The following TBC1D9 variants were observed in gnomAD, a reference collection of about 807,000 sequenced individuals.
TBC1D9 encodes the protein TBC1 domain family member 9, also known as TBC1 domain family member 9A.
TBC1D9 carries 63 observed loss-of-function variants against 132.0 expected under a neutral mutation model. That is an observed-to-expected ratio of 0.48 (90% CI 0.39 to 0.59). TBC1D9 has a LOEUF of 0.59. TBC1D9 is among the 20% of genes least tolerant of loss of function. TBC1D9 has a pLI of 0.00. For synonymous variants in TBC1D9, 610 were observed against 609.9 expected (o/e 1.00, Z 0.00); for missense variants, 1,261 against 1,592.7 (o/e 0.79, Z 3.54).
chr4:140,703,099 T>C (rs1346913759), intron 1 of TBC1D9, among the ~76,000 whole-genome samples: 1 of 152,198 alleles, frequency 6.6e-6, no homozygotes, highest in East Asian at 1.9e-4. Flanking sequence ...TTTACCTTTA[T>C]TTAGATTGCA....
rs769548584 is a variant in TBC1D9, at chr4:140,639,358, G to T, written c.2408C>A (p.Thr803Lys). Residue 803 changes from threonine to lysine, a missense_variant, in exon 14 of 21, where the codon ACG (threonine) becomes AAG (lysine). By Grantham distance (78) the Thr-to-Lys change is moderately conservative (BLOSUM62 -1). This residue lies in a region of TBC1D9 where 618 missense variants were observed against 724.4 expected (regional missense o/e 0.85). Transcript: ENST00000442267. ...RFKQRLKVIQ[T>K]LEDTTKRNVV... ...GTTGCGTTTCGTAGTATCCTCCAGCGTCTGGATCACTTTCAGTCTCTGTTT... is the reference window on the plus strand; with the variant it reads ...GTTGCGTTTCGTAGTATCCTCCAGCTTCTGGATCACTTTCAGTCTCTGTTT... 2 of 1,612,852 alleles carry T rather than the reference G, an allele frequency of 1.2e-6. No individual in the cohort carries two copies. The highest frequency in any genetic ancestry group is 3.3e-5 in the Admixed American group (2 of 59,916).
At chr4:140,701,356 G>C in intron 2 of TBC1D9, 148 bp downstream of exon 2, 1 of 632,060 alleles carries the variant, frequency 1.6e-6, no homozygotes, top group Admixed American at 2.8e-5. Flanking sequence ...CTGAGACTTT[G>C]GGTTCATGTG....
At chr4:140,644,660 G>C in intron 13 of TBC1D9, 1 of 419,480 alleles carries the variant, frequency 2.4e-6, no homozygotes, top group Non-Finnish European at 4.6e-6. Flanking sequence ...TCCAGGGCCT[G>C]GGCCGCCCGC....
intron 15 of TBC1D9, among the ~76,000 whole-genome samples, chr4:140,638,026 C>G (rs1436095767): frequency 6.6e-6 from 1 of 152,194 alleles, no homozygotes; most frequent in African/African-American, 2.4e-5. Context: ...ATAAATAAAA[C>G]AGTGGTGCCC....
chr4:140,679,001 T>G lies in TBC1D9; in HGVS notation c.792A>C (p.Gln264His). The G allele has an allele frequency of 1.9e-6, 3 of 1,613,986 alleles. No homozygotes were observed. Among genetic ancestry groups the G allele is most frequent in the African/African-American group, 1.3e-5 (1 of 75,054 alleles). The change falls in exon 5 of 21, where the codon CAA becomes CAC. Residue 264 changes from glutamine (Q) to histidine (H), a missense_variant. Around this residue, in one of 3 missense-constraint regions of TBC1D9, gnomAD observed 550 missense variants for 699.0 expected, o/e 0.79. Transcript: ENST00000442267. ...TTTTGAGTTTGGGCAGGGATCGATC[T>G]TGTTCAAATCCCTCATTGTCTAAGA... ...RQLLDNEGFEQDRSLPKLKRK... is the reference protein window; with the variant it reads ...RQLLDNEGFEHDRSLPKLKRK...
chr4:140,714,874 C>A (rs1738305555), intron 1 of TBC1D9, among the ~76,000 whole-genome samples: 1 of 152,130 alleles, frequency 6.6e-6, no homozygotes, highest in Non-Finnish European at 1.5e-5. Flanking sequence ...TGCCTGTAAT[C>A]CCAGAATTTT....
Position 140,668,909 on chromosome 4 carries a change from G to GGCC in TBC1D9, c.1588+5_1588+7dup. 1 of 1,613,314 alleles carries GGCC rather than the reference G, an allele frequency of 6.2e-7. No individual in the cohort carries two copies. The highest frequency in any genetic ancestry group is 8.5e-7 in the Non-Finnish European group (1 of 1,179,744). On this transcript the variant is annotated splice_region_variant and intron_variant, in intron 9 of 20. Coordinates refer to ENST00000442267, the MANE Select transcript of TBC1D9 (RefSeq NM_015130.3). The stretch of plus-strand genomic sequence containing the variant: ...TTGACGCCAGCATTCCCAGCCCAGC[G>GGCC]GCCGTACCTGACAGCAGCAGCCAGA...
rs558262376 is a variant in TBC1D9, at chr4:140,736,163, G to GGGAGAGAGTGAGGGGGAA, written c.130+19735_130+19752dup. On this transcript the variant is annotated intron_variant, in intron 1 of 20. Coordinates refer to ENST00000442267, the MANE Select transcript of TBC1D9 (RefSeq NM_015130.3). Reference sequence around the variant, plus strand: ...CAGGAAGGAAAATTGGGTTTTATTAGGGAGAGAGTGAGGGGGAAGGAGAGA... The same window carrying GGGAGAGAGTGAGGGGGAA: ...CAGGAAGGAAAATTGGGTTTTATTAGGGAGAGAGTGAGGGGGAAGGAGAGAGTGAGGGGGAAGGAGAGA... 2.1e-3 allele frequency among the ~76,000 whole-genome samples: 317 copies of GGGAGAGAGTGAGGGGGAA among 151,950 alleles called. 2 individuals are homozygous for GGGAGAGAGTGAGGGGGAA. The highest frequency in any genetic ancestry group is 0.015 in the East Asian group (76 of 5,142).
At chr4:140,640,700 A>G (rs1169190446) in intron 13 of TBC1D9, among the ~76,000 whole-genome samples, 2 of 152,206 alleles carry the variant, frequency 1.3e-5, no homozygotes, top group African/African-American at 2.4e-5. Flanking sequence ...TTTAAAGGAT[A>G]AAGAAAAAGC....
intron 1 of TBC1D9, among the ~76,000 whole-genome samples, chr4:140,752,343 C>G (rs1738939002): frequency 6.8e-6 from 1 of 147,496 alleles, no homozygotes. Context: ...CTCTATAATT[C>G]CATTTCATTT....
rs900887898 is a variant in TBC1D9 at position 140,642,819 on chromosome 4, T to C, written c.2338-3391A>G. The stretch of plus-strand genomic sequence containing the variant: ...CTACTGTTGCAGTTCTTCCCCCTCT[T>C]GCGGGCGGGCGACAGGGCTCTCGGG... On this transcript the variant is annotated intron_variant, in intron 13 of 20. Coordinates refer to ENST00000442267, the MANE Select transcript of TBC1D9 (RefSeq NM_015130.3). 147 of 605,564 alleles carry C rather than the reference T, an allele frequency of 2.4e-4. 1 individual carries two copies. The East Asian group carries it at 4.0e-3, about 16-fold the overall frequency. The allele number at this position is 605,564 out of a possible 1,614,324, so 37.5% of individuals were successfully genotyped here.
At chr4:140,716,558 C>A (rs1738337379) in intron 1 of TBC1D9, among the ~76,000 whole-genome samples, 1 of 151,882 alleles carries the variant, frequency 6.6e-6, no homozygotes, top group Non-Finnish European at 1.5e-5. Context: ...AAGTAGTGTA[C>A]TAGAGTTGGG....
chr4:140,644,060 G>C, intron 13 of TBC1D9: 1 of 436,812 alleles, frequency 2.3e-6, no homozygotes, highest in South Asian at 2.1e-5. Context: ...AGAGTGTCAG[G>C]CGCTTGGTCC....
intron 9 of TBC1D9, among the ~76,000 whole-genome samples, chr4:140,665,764 C>A (rs570356228): frequency 6.6e-6 from 1 of 152,284 alleles, no homozygotes; most frequent in South Asian, 2.1e-4. Flanking sequence ...GCAGCCTCAA[C>A]CTCCCAGACT....
At chr4:140,627,554 C>T (rs748158990) in intron 17 of TBC1D9, 27 bp from the exon 18 acceptor site, 3 of 1,403,074 alleles carry the variant, frequency 2.1e-6, no homozygotes, top group Non-Finnish European at 3.0e-6. Flanking sequence ...ACATAGTTCT[C>T]ATATTGGTAG....
chr4:140,644,447 T>G (rs1203675049), intron 13 of TBC1D9: 23 of 295,654 alleles, frequency 7.8e-5, no homozygotes, highest in South Asian at 6.3e-4. Context: ...CGCGGGGCGA[T>G]GGCGGCGGGC....
intron 2 of TBC1D9, among the ~76,000 whole-genome samples, chr4:140,688,611 G>A (rs1737825747): frequency 6.6e-6 from 1 of 152,154 alleles, no homozygotes. Context: ...TGAGGCCGCA[G>A]TGAGCCATGA....
intron 1 of TBC1D9, among the ~76,000 whole-genome samples, chr4:140,722,865 C>T (rs983400178): frequency 1.3e-5 from 2 of 152,098 alleles, no homozygotes; most frequent in African/African-American, 4.8e-5. Flanking sequence ...TGGATTTCAC[C>T]GGGAGTTCTC....
At position 140,624,179 on chromosome 4, in the gene TBC1D9, T is replaced by A; in HGVS notation, c.3015A>T (p.Arg1005Ser). Residue 1005 changes from arginine (R) to serine (S), a missense_variant, in exon 20 of 21, where the codon AGA becomes AGT. By Grantham distance (110) the Arg-to-Ser change is moderately radical. Around this residue, in one of 3 missense-constraint regions of TBC1D9, gnomAD observed 618 missense variants for 724.4 expected, o/e 0.85. Transcript: ENST00000442267. ...TAGATTTATTTTCTGGAGTCCACAG[T>A]CTCAAATAATTACGATTTTCTTGGG... ...ANSQENRNYL[R>S]LWTPENKSKS... The A allele has an allele frequency of 6.2e-7, 1 of 1,612,230 alleles. No individual in the cohort carries two copies. The highest frequency in any genetic ancestry group is 8.5e-7 in the Non-Finnish European group (1 of 1,178,998).
Sources: allele counts gnomAD v4.1 joint callset (sites outside exome capture counted in the v4.1 genomes callset), GRCh38; gene constraint gnomAD v4.1.1; regional missense constraint gnomAD v4.1.1; transcripts MANE v1.5; gene names NCBI Gene and HGNC (gene_info 2026-07-23, HGNC 2026-07-21).